Variants in SRCIN1 observed in about 807,000 individuals in gnomAD.
SRCIN1 encodes the protein P130Cas-associated protein.
SRCIN1 carries 50 observed loss-of-function variants against 116.2 expected under a neutral mutation model. That is an observed-to-expected ratio of 0.43 (90% CI 0.34 to 0.54). The LOEUF is 0.54. Among genes scored for constraint, SRCIN1 ranks in the 20% least tolerant of loss-of-function variants. SRCIN1 has a pLI of 0.02. For missense variants in SRCIN1, 1,446 were observed against 1,672.0 expected (o/e 0.86, Z 2.36); for synonymous variants, 736 against 750.0 (o/e 0.98, Z 0.30).
At chr17:38,537,238 T>C in intron 18 of SRCIN1, among the ~76,000 whole-genome samples, 1 of 152,008 alleles carries the variant, frequency 6.6e-6, no homozygotes, top group Non-Finnish European at 1.5e-5. Flanking sequence ...TGGTGGCTCA[T>C]GCCTGTAATC....
intron 1 of SRCIN1, among the ~76,000 whole-genome samples, chr17:38,588,100 T>TAACAGGCAACAGGC (rs56946362): frequency 4.0e-5 from 6 of 150,740 alleles, no homozygotes; most frequent in South Asian, 2.1e-4. Context: ...CAGAAGCTAA[T>TAACAGGCAACAGGC]AACAGGCAAC....
At chr17:38,581,395 A>G (rs1211090236) in intron 1 of SRCIN1, among the ~76,000 whole-genome samples, 4 of 148,216 alleles carry the variant, frequency 2.7e-5, no homozygotes, top group Non-Finnish European at 6.0e-5. Context: ...GACAGTGTGA[A>G]ACTCTGTCTC....
Position 38,552,724 on chromosome 17 carries a change from C to A in SRCIN1, c.2332+1G>T. 2 of 1,613,804 alleles carry A rather than the reference C, an allele frequency of 1.2e-6. No individual in the cohort carries two copies. The highest frequency in any genetic ancestry group is 1.7e-6 in the Non-Finnish European group (2 of 1,179,838). Reference sequence around the variant, plus strand: ...GCTGCATTCGCAGGCCCCAGACCCACCCTTGAGCTCTGTCAGCGTCTCCCC... The same window carrying A: ...GCTGCATTCGCAGGCCCCAGACCCAACCTTGAGCTCTGTCAGCGTCTCCCC... On this transcript the variant is annotated splice_donor_variant, in intron 12 of 18. Transcript: ENST00000617146. LOFTEE classifies it high-confidence loss of function. This position sits in a 1 kb window ranked among gnomAD's most constrained non-coding sequence, Gnocchi z 5.3.
At chr17:38,578,986 CG>C (rs546077404) in intron 1 of SRCIN1, among the ~76,000 whole-genome samples, 195 bp from the exon 2 acceptor site, 71 of 152,308 alleles carry the variant, frequency 4.7e-4, no homozygotes, top group African/African-American at 1.7e-3. Context: ...GTGGAAAGCG[CG>C]CCTACGGCCC....
At chr17:38,556,571 CA>C (rs59703650) in intron 11 of SRCIN1, among the ~76,000 whole-genome samples, 9,151 of 152,304 alleles carry the variant, frequency 0.06, 906 homozygotes, top group African/African-American at 0.21. Context: ...GAGTGTGGGG[CA>C]GGGGGGCTGC....
intron 1 of SRCIN1, among the ~76,000 whole-genome samples, chr17:38,593,625 T>A (rs1908561530): frequency 6.6e-6 from 1 of 152,150 alleles, no homozygotes; most frequent in Admixed American, 6.5e-5. Context: ...GAACTAACAC[T>A]TGTACAATGC....
rs1380639549 is a variant in SRCIN1 at position 38,551,370 on chromosome 17, T to C, written c.2747A>G (p.Glu916Gly). ...CTGGGTCAGGGCTGCCCGCTTCTCC[T>C]CCCAGTCTCGCTCTGCAGCCTTAAC... Reference protein sequence around the residue: ...VSVEAAERDWEEKRAALTQYS... With the variant: ...VSVEAAERDWGEKRAALTQYS... Residue 916 changes from glutamate (E) to glycine (G), a missense_variant, in exon 15 of 19, where the codon GAG becomes GGG. By Grantham distance (98) the Glu-to-Gly change is moderately conservative. Coordinates refer to ENST00000617146, the MANE Select transcript of SRCIN1 (RefSeq NM_025248.3). 1 of 1,612,300 alleles carries C rather than the reference T, an allele frequency of 6.2e-7. No homozygotes were observed. Among genetic ancestry groups the C allele is most frequent in the Admixed American group, 1.7e-5 (1 of 59,836 alleles).
At chr17:38,540,020 CA>C (rs71138631) in intron 18 of SRCIN1, among the ~76,000 whole-genome samples, 10,439 of 60,782 alleles carry the variant, frequency 0.17, 379 homozygotes, top group East Asian at 0.45. Flanking sequence ...GACTCCATCT[CA>C]AAAAAAAAAA....
Position 38,563,007 on chromosome 17 carries a change from G to A in SRCIN1, c.741-87C>T, listed in dbSNP as rs1906382597. 1.7e-6 allele frequency: 2 copies of A among 1,182,262 alleles called. No homozygotes were observed. The allele number at this position is 1,182,262 out of a possible 1,614,324, so 73.2% of individuals were successfully genotyped here. On this transcript the variant is annotated intron_variant, in intron 5 of 18. Coordinates refer to ENST00000617146, the MANE Select transcript of SRCIN1 (RefSeq NM_025248.3). The surrounding 1 kb of genome is among the most constrained non-coding windows in gnomAD (Gnocchi z 5.8). ...ATGGCTACTCCAGGCCTAGAGAAGA[G>A]GGGTGGCCAGAGGCACCGGGAGCCC...
At chr17:38,579,570 AG>A (rs1907658627) in intron 1 of SRCIN1, among the ~76,000 whole-genome samples, 1 of 152,188 alleles carries the variant, frequency 6.6e-6, no homozygotes, top group Admixed American at 6.5e-5. Flanking sequence ...AGTCCTTCCC[AG>A]GGGCTTTCCC....
At chr17:38,606,605 G>A (rs1009279741), upstream of SRCIN1, among the ~76,000 whole-genome samples, 3 of 152,134 alleles carry the variant, frequency 2.0e-5, no homozygotes, top group African/African-American at 7.2e-5. The surrounding 1 kb of genome is among the most constrained non-coding windows in gnomAD (Gnocchi z 5.2). Flanking sequence ...GCGCCCCTCC[G>A]GCCAGTGAGA....
At chr17:38,596,693 C>T (rs1454507122) in intron 1 of SRCIN1, among the ~76,000 whole-genome samples, 2 of 152,084 alleles carry the variant, frequency 1.3e-5, no homozygotes, top group African/African-American at 4.8e-5. Flanking sequence ...TGCTCCACTC[C>T]CCACTAACCC....
At chr17:38,570,558 G>A (rs1273244654) in intron 2 of SRCIN1, among the ~76,000 whole-genome samples, 3 of 152,368 alleles carry the variant, frequency 2.0e-5, no homozygotes, top group Admixed American at 2.0e-4. Flanking sequence ...GACCTCTGAT[G>A]CAAAAGAGAT....
chr17:38,538,163 G>A (rs1265388234), intron 18 of SRCIN1, among the ~76,000 whole-genome samples: 1 of 151,194 alleles, frequency 6.6e-6, no homozygotes, highest in African/African-American at 2.4e-5. Flanking sequence ...GCTCACACCT[G>A]TAATCCCAGC....
intron 10 of SRCIN1, chr17:38,559,311 T>G: frequency 5.8e-6 from 3 of 514,640 alleles, no homozygotes; most frequent in African/African-American, 2.0e-5. Flanking sequence ...AGGAGGGCGA[T>G]GGGGACTCAG....
At chr17:38,551,541 T>C (rs553827463) in intron 14 of SRCIN1, 152 bp from the exon 15 acceptor site, 1 of 706,498 alleles carries the variant, frequency 1.4e-6, no homozygotes, top group South Asian at 1.9e-5. Context: ...TGACTTCTCG[T>C]GGGTATCACA....
At chr17:38,578,850 T>C in intron 1 of SRCIN1, 59 bp from the exon 2 acceptor site, 1 of 1,438,662 alleles carries the variant, frequency 7.0e-7, no homozygotes, top group South Asian at 1.4e-5. Context: ...GGGCTGCCCA[T>C]CCCCCAAGGG....
Position 38,560,096 on chromosome 17 carries a change from C to T in SRCIN1, c.1795G>A (p.Glu599Lys), listed in dbSNP as rs754457856. 1.5e-5 allele frequency: 24 copies of T among 1,549,750 alleles called. No homozygotes were observed. The highest frequency in any genetic ancestry group is 1.8e-5 in the Non-Finnish European group (21 of 1,146,768). ...GCTCCATTGGAGCCTTCAATCTTCT[C>T]GCTGTGGCACAGGGAAAAAAGCCAT... ...LRGSEPETPS[E>K]KIEGSNGAAT... The change falls in exon 9 of 19, where the codon GAG becomes AAG. Residue 599 changes from glutamate to lysine, a missense_variant and splice_region_variant. Coordinates refer to ENST00000617146, the MANE Select transcript of SRCIN1 (RefSeq NM_025248.3).
chr17:38,560,560 G>A, intron 7 of SRCIN1, 135 bp from the exon 8 acceptor site: 1 of 704,714 alleles, frequency 1.4e-6, no homozygotes, highest in South Asian at 1.7e-5. Flanking sequence ...CAACGCAAAG[G>A]GCCCCAATGC....
Sources: gnomAD v4.1 joint callset for allele counts (sites outside exome capture counted in the v4.1 genomes callset) on GRCh38, gnomAD v4.1.1 for gene constraint, Gnocchi (gnomAD v3.1) non-coding constraint, MANE v1.5 for transcripts, NCBI Gene and HGNC (gene_info 2026-07-23, HGNC 2026-07-21) for gene names.